Variants in SORCS1 observed in about 807,000 individuals in gnomAD.
SORCS1 encodes sortilin related VPS10 domain containing receptor 1.
SORCS1 carries 60 observed loss-of-function variants against 146.1 expected under a neutral mutation model. The observed-to-expected ratio is 0.41, with a 90% CI of 0.33 to 0.51. The LOEUF (loss-of-function observed/expected upper bound fraction) is 0.51. Ranked by LOEUF, SORCS1 falls within the 20% of genes least tolerant of loss-of-function variation. SORCS1 has a pLI of 0.21. For synonymous variants in SORCS1, 637 were observed against 584.0 expected (o/e 1.09, Z -1.31); for missense variants, 1,352 against 1,487.6 (o/e 0.91, Z 1.50).
chr10:106,716,112 A>G (rs1329277750), intron 6 of SORCS1, among the ~76,000 whole-genome samples: 1 of 152,142 alleles, frequency 6.6e-6, no homozygotes, highest in Non-Finnish European at 1.5e-5. Context: ...ACGTTTTTAA[A>G]AACACCATGA....
At chr10:106,875,623 C>A (rs1325752454) in intron 2 of SORCS1, among the ~76,000 whole-genome samples, 3 of 152,100 alleles carry the variant, frequency 2.0e-5, no homozygotes, top group Admixed American at 2.0e-4. Context: ...ATACTAACAT[C>A]TATTGTTTTT....
chr10:106,790,055 T>C (rs1425033320), intron 3 of SORCS1, among the ~76,000 whole-genome samples: 1 of 152,180 alleles, frequency 6.6e-6, no homozygotes, highest in Non-Finnish European at 1.5e-5. Context: ...ATCCCCATGA[T>C]CCAGGTCTCT....
chr10:106,693,230 T>A (rs1283251213), intron 9 of SORCS1, among the ~76,000 whole-genome samples: 1 of 152,224 alleles, frequency 6.6e-6, no homozygotes, highest in East Asian at 1.9e-4. Flanking sequence ...TTTGCAAACA[T>A]GAACTTGTGA....
chr10:106,718,270 A>T (rs1365028590), intron 6 of SORCS1, among the ~76,000 whole-genome samples: 1 of 152,172 alleles, frequency 6.6e-6, no homozygotes, highest in Non-Finnish European at 1.5e-5. Context: ...ATCATATACA[A>T]AGTCACACTC....
At chr10:106,660,781 T>C (rs952383870) in intron 17 of SORCS1, among the ~76,000 whole-genome samples, 43 of 151,596 alleles carry the variant, frequency 2.8e-4, no homozygotes, top group Non-Finnish European at 4.4e-4. Context: ...CATTGCATAT[T>C]GAGAAACTAA....
intron 3 of SORCS1, among the ~76,000 whole-genome samples, chr10:106,777,526 T>A (rs947519713): frequency 3.3e-5 from 5 of 152,182 alleles, no homozygotes; most frequent in East Asian, 1.9e-4. Context: ...TAAGTCTACA[T>A]GACTCTCTAA....
chr10:106,828,224 C>T (rs1410783288), intron 3 of SORCS1, among the ~76,000 whole-genome samples: 1 of 152,162 alleles, frequency 6.6e-6, no homozygotes, highest in African/African-American at 2.4e-5. Context: ...CTTCTTACTC[C>T]AGAGTCTATG....
intron 17 of SORCS1, among the ~76,000 whole-genome samples, chr10:106,661,853 A>G (rs1319995012): frequency 6.6e-6 from 1 of 152,236 alleles, no homozygotes; most frequent in African/African-American, 2.4e-5. Flanking sequence ...CTAAGGCCCC[A>G]GTACCAGCCT....
At chr10:106,980,043 G>A (rs1046847851) in intron 1 of SORCS1, among the ~76,000 whole-genome samples, 1 of 152,170 alleles carries the variant, frequency 6.6e-6, no homozygotes. Flanking sequence ...AGTCCACATT[G>A]GCAGTTGGTG....
Position 106,706,572 on chromosome 10 carries a change from C to T in SORCS1, c.1206G>A (p.Met402Ile). 1 of 1,614,172 alleles carries T rather than the reference C, an allele frequency of 6.2e-7. No individual in the cohort carries two copies. Among genetic ancestry groups the T allele is most frequent in the Non-Finnish European group, 8.5e-7 (1 of 1,180,006 alleles). Residue 402 changes from methionine to isoleucine, a missense_variant, in exon 8 of 26, where the codon ATG becomes ATA. Physicochemically the swap from Met to Ile is conservative, Grantham distance 10. Transcript: ENST00000263054. ...TGGGCAAAGCATATTTCGGAAGCTT[C>T]ATTTGGGCAAATGCATTCCTTCGGT... ...VSYRRNAFAQ[M>I]KLPKYALPKD...
intron 1 of SORCS1, among the ~76,000 whole-genome samples, chr10:106,968,647 A>G (rs1208479705): frequency 6.6e-6 from 1 of 152,230 alleles, no homozygotes; most frequent in Non-Finnish European, 1.5e-5. Flanking sequence ...AGACACTTGC[A>G]GGAAGCCAAT....
intron 10 of SORCS1, among the ~76,000 whole-genome samples, chr10:106,683,698 C>T (rs1168295414): frequency 2.0e-5 from 3 of 152,196 alleles, no homozygotes; most frequent in Non-Finnish European, 2.9e-5. Context: ...TCCATGGTAT[C>T]TAATCTGAAT....
At chr10:106,767,101 G>A (rs1859630343) in intron 4 of SORCS1, among the ~76,000 whole-genome samples, 1 of 152,172 alleles carries the variant, frequency 6.6e-6, no homozygotes, top group East Asian at 1.9e-4. Flanking sequence ...ACCAATACTT[G>A]TGGGGAGCTG....
intron 18 of SORCS1, among the ~76,000 whole-genome samples, chr10:106,645,381 T>C (rs1197074432): frequency 6.6e-6 from 1 of 152,008 alleles, no homozygotes; most frequent in African/African-American, 2.4e-5. Flanking sequence ...TTAGTAGAGA[T>C]GGGGTTTCGC....
intron 9 of SORCS1, 95 bp downstream of exon 9, chr10:106,699,119 T>C: frequency 3.7e-6 from 4 of 1,093,464 alleles, no homozygotes; most frequent in Non-Finnish European, 3.8e-6. Context: ...CATAAGGAAC[T>C]GTATTAAAAT....
intron 2 of SORCS1, among the ~76,000 whole-genome samples, chr10:106,939,888 C>T (rs1953943106): frequency 6.6e-6 from 1 of 152,246 alleles, no homozygotes; most frequent in Non-Finnish European, 1.5e-5. Context: ...TGGATACTCG[C>T]TTCAGTGCCA....
intron 5 of SORCS1, among the ~76,000 whole-genome samples, chr10:106,737,400 C>T (rs571345479): frequency 1.3e-5 from 2 of 151,196 alleles, no homozygotes; most frequent in Admixed American, 1.3e-4. Flanking sequence ...CACTTTTATG[C>T]CCCCTCTTTG....
chr10:107,077,447 C>T (rs535798272), intron 1 of SORCS1, among the ~76,000 whole-genome samples: 1 of 151,356 alleles, frequency 6.6e-6, no homozygotes, highest in Non-Finnish European at 1.5e-5. Flanking sequence ...AATGTAAAGG[C>T]ATAATTTTTC....
chr10:106,957,447 C>T (rs191846414), intron 1 of SORCS1, among the ~76,000 whole-genome samples: 114 of 152,196 alleles, frequency 7.5e-4, no homozygotes, highest in Non-Finnish European at 1.4e-3. Flanking sequence ...GCTGGGATTA[C>T]AGGTGTGAGC....
Sources: allele counts gnomAD v4.1 joint callset (sites outside exome capture counted in the v4.1 genomes callset), GRCh38; gene constraint gnomAD v4.1.1; transcripts MANE v1.5; gene names NCBI Gene and HGNC (gene_info 2026-07-23, HGNC 2026-07-21).